CNOT10: variants seen among roughly 807,000 people sequenced by gnomAD.
CNOT10 encodes CCR4-NOT transcription complex subunit 10.
A neutral mutation model predicts 94.6 loss-of-function variants in CNOT10; 30 were observed. That is an observed-to-expected ratio of 0.32 (90% confidence interval 0.24 to 0.43). The LOEUF (loss-of-function observed/expected upper bound fraction) is 0.43. Among genes scored for constraint, CNOT10 ranks in the 20% least tolerant of loss-of-function variants. The probability of loss-of-function intolerance (pLI) is 1.00; values close to 1 mark genes in which losing one functional copy is unlikely to be tolerated. For missense variants in CNOT10, 759 were observed against 877.2 expected (o/e 0.87, Z 1.70); for synonymous variants, 289 against 301.6 (o/e 0.96, Z 0.43).
intron 2 of CNOT10, among the ~76,000 whole-genome samples, chr3:32,704,515 A>G (rs1331643285): frequency 2.6e-5 from 4 of 152,136 alleles, no homozygotes; most frequent in African/African-American, 9.7e-5. Context: ...TTTCTTGACT[A>G]GCCTCAGCCA....
intron 1 of CNOT10, among the ~76,000 whole-genome samples, chr3:32,693,199 G>C (rs1277975145): frequency 2.6e-5 from 4 of 152,028 alleles, no homozygotes; most frequent in Non-Finnish European, 5.9e-5. Flanking sequence ...TATTTAAAGT[G>C]GTTTTTTTTC....
chr3:32,758,253 A>G (rs766657955), intron 13 of CNOT10, among the ~76,000 whole-genome samples: 69 of 152,196 alleles, frequency 4.5e-4, no homozygotes, highest in Non-Finnish European at 9.3e-4. Flanking sequence ...CTCCCATGGT[A>G]GTATAAGGCA....
At chr3:32,701,254 AAAAAT>A (rs1559479663) in intron 1 of CNOT10, among the ~76,000 whole-genome samples, 1 of 137,946 alleles carries the variant, frequency 7.2e-6, no homozygotes, top group Non-Finnish European at 1.5e-5. Context: ...AAATAAAAAT[AAAAAT>A]AAAAATGACT....
At chr3:32,722,227 A>G (rs1698454321) in intron 8 of CNOT10, among the ~76,000 whole-genome samples, 1 of 152,220 alleles carries the variant, frequency 6.6e-6, no homozygotes, top group Non-Finnish European at 1.5e-5. Flanking sequence ...CAGAATACAC[A>G]TGCAAACATA....
Position 32,760,868 on chromosome 3 carries a change from C to T in CNOT10, c.1709+1297C>T, listed in dbSNP as rs1266162570. Among the ~76,000 whole-genome samples the T allele has an allele frequency of 2.6e-5, 4 of 151,818 alleles. No homozygotes were observed. In the South Asian group the frequency reaches 8.3e-4, roughly 32 times the overall value. On this transcript the variant is annotated intron_variant, in intron 14 of 18. Transcript: ENST00000328834. ...TTAAGGCCAGGCGCTGTGGCTCACA[C>T]CTGTAATCCCAGCACTTTGGGAGGC...
chr3:32,757,602 C>T (rs760587745), intron 13 of CNOT10, among the ~76,000 whole-genome samples: 6 of 152,276 alleles, frequency 3.9e-5, no homozygotes, highest in Admixed American at 3.9e-4. Flanking sequence ...ATGTCATTGC[C>T]ATTTTAAAAT....
At chr3:32,713,917 G>A (rs1186638866) in intron 5 of CNOT10, among the ~76,000 whole-genome samples, 5 of 151,994 alleles carry the variant, frequency 3.3e-5, no homozygotes, top group Non-Finnish European at 7.4e-5. Flanking sequence ...TTTATCAGTT[G>A]GTGGACATTT....
chr3:32,759,674 T>C lies in CNOT10; in HGVS notation c.1709+103T>C, dbSNP rs1700362006. 39 of 793,168 alleles carry C rather than the reference T, an allele frequency of 4.9e-5. No homozygotes were observed. In the South Asian group the frequency reaches 6.2e-4, roughly 13 times the overall value. The allele number at this position is 793,168 out of a possible 1,614,324, so 49.1% of individuals were successfully genotyped here. The stretch of plus-strand genomic sequence containing the variant: ...CTTTTGACTCCTCCAGTGGAATATA[T>C]ATTTGTAAGGAAAGCAACTGTTTAA... On this transcript the variant is annotated intron_variant, in intron 14 of 18. Coordinates refer to ENST00000328834, the MANE Select transcript of CNOT10 (RefSeq NM_015442.3).
chr3:32,752,990 C>T, intron 13 of CNOT10: 3 of 471,764 alleles, frequency 6.4e-6, no homozygotes, highest in Admixed American at 5.3e-5. Flanking sequence ...ACGAGGACCC[C>T]CAGGCGGCAT....
At chr3:32,723,580 A>C (rs1698519478) in intron 8 of CNOT10, among the ~76,000 whole-genome samples, 1 of 152,116 alleles carries the variant, frequency 6.6e-6, no homozygotes, top group Non-Finnish European at 1.5e-5. Flanking sequence ...AGTACCATAG[A>C]ATTTAGAAAA....
chr3:32,742,338 C>T (rs996396131), intron 13 of CNOT10, among the ~76,000 whole-genome samples: 5 of 151,764 alleles, frequency 3.3e-5, no homozygotes, highest in Non-Finnish European at 5.9e-5. Flanking sequence ...CTCTAATGAA[C>T]TTCTTTTCAT....
Position 32,737,430 on chromosome 3 carries a change from A to G in CNOT10, c.1535A>G (p.Asp512Gly), listed in dbSNP as rs1485736947. The part of the protein sequence containing the change: ...ETCSSKSHDG[D>G]KFIPAPPSSP... Reference sequence around the variant, plus strand: ...TTTAGCAGTAAAAGCCATGATGGAGATAAATTCATTCCAGCTCCACCTTCT... The same window carrying G: ...TTTAGCAGTAAAAGCCATGATGGAGGTAAATTCATTCCAGCTCCACCTTCT... The change falls in exon 13 of 19, where the codon GAT becomes GGT. Residue 512 changes from aspartate (D) to glycine (G), a missense_variant. Around this residue, in one of 3 missense-constraint regions of CNOT10, gnomAD observed 682 missense variants for 799.4 expected, o/e 0.85. Coordinates refer to ENST00000328834, the MANE Select transcript of CNOT10 (RefSeq NM_015442.3). 6.2e-7 allele frequency: 1 copy of G among 1,610,670 alleles called. No homozygotes were observed. Among genetic ancestry groups the G allele is most frequent in the Non-Finnish European group, 8.5e-7 (1 of 1,177,074 alleles).
At chr3:32,692,781 C>T (rs1240362372) in intron 1 of CNOT10, among the ~76,000 whole-genome samples, 1 of 152,048 alleles carries the variant, frequency 6.6e-6, no homozygotes, top group East Asian at 1.9e-4. Flanking sequence ...TACAGTGACT[C>T]ATGCCTGTAA....
intron 7 of CNOT10, among the ~76,000 whole-genome samples, chr3:32,719,247 TAAAAAC>T (rs1171849888): frequency 5.9e-5 from 9 of 151,374 alleles, no homozygotes; most frequent in South Asian, 2.1e-4. Context: ...AGACTCCGTC[TAAAAAC>T]AAAAACAAAA....
chr3:32,736,149 G>A (rs1467845453), intron 12 of CNOT10, among the ~76,000 whole-genome samples: 1 of 151,864 alleles, frequency 6.6e-6, no homozygotes, highest in Admixed American at 6.6e-5. Flanking sequence ...GCAGTGGCAC[G>A]ATCTCAACTC....
chr3:32,696,790 T>G (rs111927476), intron 1 of CNOT10, among the ~76,000 whole-genome samples: 9,281 of 151,332 alleles, frequency 0.061, 325 homozygotes, highest in African/African-American at 0.091. Flanking sequence ...TAGAGATGGG[T>G]TTTCACCATG....
intron 13 of CNOT10, among the ~76,000 whole-genome samples, chr3:32,754,812 G>A (rs553645799): frequency 4.2e-4 from 63 of 149,510 alleles, no homozygotes; most frequent in Non-Finnish European, 7.1e-4. Context: ...ATGAGCCACC[G>A]TGCCTGGCCT....
At chr3:32,704,707 A>T in intron 2 of CNOT10, 104 bp from the exon 3 acceptor site, 1 of 1,290,754 alleles carries the variant, frequency 7.7e-7, no homozygotes, top group Non-Finnish European at 1.0e-6. Flanking sequence ...CTTTCTTTTT[A>T]AGAACTTTTA....
At chr3:32,749,324 A>T (rs1241354160) in intron 13 of CNOT10, among the ~76,000 whole-genome samples, 1 of 151,604 alleles carries the variant, frequency 6.6e-6, no homozygotes, top group African/African-American at 2.4e-5. Flanking sequence ...TAAATCCAAG[A>T]TCATGAGGAT....
Sources: allele counts gnomAD v4.1 joint callset (sites outside exome capture counted in the v4.1 genomes callset), GRCh38; gene constraint gnomAD v4.1.1; regional missense constraint gnomAD v4.1.1; transcripts MANE v1.5; gene names NCBI Gene and HGNC (gene_info 2026-07-23, HGNC 2026-07-21).